CTTNBP2: variants seen among roughly 807,000 people sequenced by gnomAD.
The protein encoded by CTTNBP2 is cortactin binding protein 2.
In CTTNBP2, 108 loss-of-function variants were observed where a neutral mutation model predicts 156.9. The observed-to-expected ratio is 0.69, with a 90% CI of 0.59 to 0.81. The LOEUF is 0.81. Among genes scored for constraint, CTTNBP2 ranks in the 30% least tolerant of loss-of-function variants. The pLI is 0.00. For synonymous variants in CTTNBP2, 767 were observed against 751.8 expected (o/e 1.02, Z -0.33); for missense variants, 1,924 against 2,035.4 (o/e 0.95, Z 1.05).
At chr7:117,864,458 C>T (rs375264323) in intron 1 of CTTNBP2, among the ~76,000 whole-genome samples, 8 of 151,638 alleles carry the variant, frequency 5.3e-5, no homozygotes, top group East Asian at 3.9e-4. Flanking sequence ...AAATTGTCAA[C>T]AACTTTTATT....
chr7:117,856,337 A>G (rs1584561487), intron 2 of CTTNBP2, among the ~76,000 whole-genome samples: 1 of 152,330 alleles, frequency 6.6e-6, no homozygotes, highest in East Asian at 1.9e-4. Flanking sequence ...CTAACTCCCT[A>G]AGAAGAGTAG....
At chr7:117,727,247 G>A (rs751156331) in intron 17 of CTTNBP2, among the ~76,000 whole-genome samples, 21 of 152,050 alleles carry the variant, frequency 1.4e-4, no homozygotes, top group African/African-American at 3.9e-4. Flanking sequence ...GCTGGAGTTC[G>A]GTGGCTTAAT....
intron 22 of CTTNBP2, 118 bp from the exon 23 acceptor site, chr7:117,711,900 T>TG (rs1337524666): frequency 2.0e-6 from 2 of 1,006,796 alleles, no homozygotes; most frequent in Non-Finnish European, 2.9e-6. Flanking sequence ...TAGGTTCTCG[T>TG]GAAAAATCAA....
At chr7:117,830,594 T>G (rs767529500) in intron 2 of CTTNBP2, among the ~76,000 whole-genome samples, 2 of 152,178 alleles carry the variant, frequency 1.3e-5, no homozygotes, top group East Asian at 3.8e-4. Context: ...TACATAGCCA[T>G]TGGGAGAAAT....
intron 2 of CTTNBP2, among the ~76,000 whole-genome samples, chr7:117,842,367 A>AT (rs1314856725): frequency 2.6e-5 from 4 of 151,926 alleles, no homozygotes; most frequent in African/African-American, 7.3e-5. Flanking sequence ...CATCTGGCTA[A>AT]TTTTTTTGTA....
chr7:117,873,333 ACCGCCGCCT>A lies in CTTNBP2; in HGVS notation c.74_81+1del, dbSNP rs1563084632. The A allele has an allele frequency of 6.9e-7, 1 of 1,442,736 alleles. No homozygotes were observed. The highest frequency in any genetic ancestry group is 9.1e-7 in the Non-Finnish European group (1 of 1,102,144). 89.4% of individuals were successfully genotyped at this position (1,442,736 alleles called of 1,614,324 possible). A position where few individuals can be genotyped will look rare whatever the true frequency, so the allele number is the denominator to read the frequency against. On this transcript the variant is annotated splice_donor_variant and coding_sequence_variant, in exon 1 of 23. Coordinates refer to ENST00000160373, the MANE Select transcript of CTTNBP2 (RefSeq NM_033427.3). LOFTEE classifies it high-confidence loss of function. ...CCGCGCCCGCCCCGGGAACTCGGTT[ACCGCCGCCT>A]CCGCCGCGGCCCCCGCCGCGTCCTC...
chr7:117,780,698 A>G, intron 6 of CTTNBP2, 107 bp from the exon 7 acceptor site: 1 of 554,734 alleles, frequency 1.8e-6, no homozygotes, highest in Non-Finnish European at 3.0e-6. Context: ...GCATCTTTAT[A>G]TACATCAATT....
chr7:117,858,535 A>T (rs1803490831), intron 2 of CTTNBP2, among the ~76,000 whole-genome samples: 1 of 152,186 alleles, frequency 6.6e-6, no homozygotes. Context: ...TATCTATAAA[A>T]AAAGGAAACT....
At chr7:117,719,415 A>G (rs1794651708) in intron 21 of CTTNBP2, 89 bp downstream of exon 21, 1 of 1,238,688 alleles carries the variant, frequency 8.1e-7, no homozygotes, top group East Asian at 2.4e-5. Flanking sequence ...TACTATCAAT[A>G]AGGAATTTCT....
At position 117,746,101 on chromosome 7, in the gene CTTNBP2, T is replaced by C; in HGVS notation, c.3349-2A>G. 1 of 1,611,292 alleles carries C rather than the reference T, an allele frequency of 6.2e-7. No individual in the cohort carries two copies. The highest frequency in any genetic ancestry group is 8.5e-7 in the Non-Finnish European group (1 of 1,177,474). Reference sequence around the variant, plus strand: ...AATGACATTATGATATTGCTCAACCTATTAACAAACCAAGTAGAGAGCTAG... The same window carrying C: ...AATGACATTATGATATTGCTCAACCCATTAACAAACCAAGTAGAGAGCTAG... On this transcript the variant is annotated splice_acceptor_variant, in intron 12 of 22. Coordinates refer to ENST00000160373, the MANE Select transcript of CTTNBP2 (RefSeq NM_033427.3). LOFTEE classifies it high-confidence loss of function.
chr7:117,768,214 A>T (rs966116478), intron 8 of CTTNBP2, among the ~76,000 whole-genome samples: 6 of 152,068 alleles, frequency 3.9e-5, no homozygotes, highest in African/African-American at 1.2e-4. Flanking sequence ...ACACCCTTAC[A>T]TCCACTTTTA....
At chr7:117,822,458 A>AC (rs1801023059) in intron 2 of CTTNBP2, among the ~76,000 whole-genome samples, 2 of 152,238 alleles carry the variant, frequency 1.3e-5, no homozygotes, top group East Asian at 3.9e-4. Context: ...ATAAAGTAGA[A>AC]CCATAGGTCA....
intron 2 of CTTNBP2, among the ~76,000 whole-genome samples, chr7:117,830,633 G>A (rs556914548): frequency 2.9e-4 from 44 of 152,282 alleles, no homozygotes; most frequent in Admixed American, 4.6e-4. Flanking sequence ...TTATTTGGAG[G>A]GAGAACAGAC....
chr7:117,807,037 G>A (rs1799992631), intron 3 of CTTNBP2, among the ~76,000 whole-genome samples: 1 of 152,170 alleles, frequency 6.6e-6, no homozygotes, highest in Admixed American at 6.5e-5. Flanking sequence ...GATTACAGGG[G>A]TGAGCCACCA....
intron 7 of CTTNBP2, among the ~76,000 whole-genome samples, chr7:117,779,393 T>C (rs535007643): frequency 2.0e-5 from 3 of 152,206 alleles, no homozygotes; most frequent in Non-Finnish European, 4.4e-5. Context: ...TCTCTGGAGT[T>C]TTGAGCATCT....
chr7:117,727,011 A>G (rs1248121968), intron 17 of CTTNBP2, among the ~76,000 whole-genome samples: 1 of 152,224 alleles, frequency 6.6e-6, no homozygotes, highest in Non-Finnish European at 1.5e-5. Context: ...ATTCCTAAGA[A>G]TCTTGAGACT....
intron 2 of CTTNBP2, among the ~76,000 whole-genome samples, chr7:117,859,916 A>C (rs2117239560): frequency 6.6e-6 from 1 of 152,256 alleles, no homozygotes; most frequent in South Asian, 2.1e-4. Flanking sequence ...TGAAGACATG[A>C]CTTCAGGAAC....
chr7:117,810,676 T>C (rs1800220213), intron 3 of CTTNBP2, 89 bp downstream of exon 3: 1 of 1,023,116 alleles, frequency 9.8e-7, no homozygotes, highest in South Asian at 1.4e-5. Context: ...TGTCTGAAAA[T>C]ATAATACTGA....
At chr7:117,757,798 G>C (rs1288739347) in intron 11 of CTTNBP2, 77 bp downstream of exon 11, 2 of 899,384 alleles carry the variant, frequency 2.2e-6, no homozygotes, top group African/African-American at 1.7e-5. Context: ...GAAACGTGAA[G>C]ATTTAAGAAC....
Sources: gnomAD v4.1 joint callset for allele counts (sites outside exome capture counted in the v4.1 genomes callset) on GRCh38, gnomAD v4.1.1 for gene constraint, MANE v1.5 for transcripts, NCBI Gene and HGNC (gene_info 2026-07-23, HGNC 2026-07-21) for gene names.